Variants in SLC35F3 observed in about 807,000 individuals in gnomAD.
SLC35F3 encodes solute carrier family 35 member F3.
A neutral mutation model predicts 49.9 loss-of-function variants in SLC35F3; 25 were observed. The observed-to-expected ratio is 0.50, with a 90% CI of 0.37 to 0.70. The LOEUF (loss-of-function observed/expected upper bound fraction) is 0.70. Ranked by LOEUF, SLC35F3 falls within the 30% of genes least tolerant of loss-of-function variation. The pLI is 0.00. For missense variants in SLC35F3, 525 were observed against 639.8 expected (o/e 0.82, Z 1.94); for synonymous variants, 275 against 265.4 (o/e 1.04, Z -0.35).
intron 2 of SLC35F3, among the ~76,000 whole-genome samples, chr1:233,929,913 G>C (rs1394985991): frequency 6.6e-6 from 1 of 152,158 alleles, no homozygotes; most frequent in African/African-American, 2.4e-5. Flanking sequence ...TGTGGAGAGT[G>C]ACTTTCTAGA....
chr1:234,046,330 G>A lies in SLC35F3; in HGVS notation c.283+140572G>A, dbSNP rs1243457175. Among the ~76,000 whole-genome samples the A allele has an allele frequency of 2.0e-5, 3 of 152,124 alleles. No individual in the cohort carries two copies. Among genetic ancestry groups the A allele is most frequent in the Non-Finnish European group, 4.4e-5 (3 of 67,998 alleles). ...TTTTTCAATCTAATGCTTATGAAGTGGATGGTATCTTTTTATGGTTTTATT... is the reference window on the plus strand; with the variant it reads ...TTTTTCAATCTAATGCTTATGAAGTAGATGGTATCTTTTTATGGTTTTATT... On this transcript the variant is annotated intron_variant, in intron 2 of 7. Transcript: ENST00000366618. The surrounding 1 kb of genome is among the most constrained non-coding windows in gnomAD (Gnocchi z 4.4).
chr1:234,103,306 G>C (rs545694510), intron 2 of SLC35F3, among the ~76,000 whole-genome samples: 1 of 150,988 alleles, frequency 6.6e-6, no homozygotes, highest in African/African-American at 2.4e-5. Context: ...TTATTCATAA[G>C]AAAAATTCAC....
chr1:234,194,604 A>T (rs952368868), intron 2 of SLC35F3, among the ~76,000 whole-genome samples: 6 of 147,124 alleles, frequency 4.1e-5, no homozygotes, highest in East Asian at 5.6e-4. Flanking sequence ...GAAATTTTTT[A>T]AAAAATTAAT....
Position 233,929,106 on chromosome 1 carries a change from T to C in SLC35F3, c.283+23348T>C, listed in dbSNP as rs375236881. ...GGGCAAGGCAGTACTCTGTCTACCATGAAACCATGGCAATCTGCAAATATA... is the reference window on the plus strand; with the variant it reads ...GGGCAAGGCAGTACTCTGTCTACCACGAAACCATGGCAATCTGCAAATATA... On this transcript the variant is annotated intron_variant, in intron 2 of 7. Coordinates refer to ENST00000366618, the MANE Select transcript of SLC35F3 (RefSeq NM_173508.4). 6.4e-4 allele frequency among the ~76,000 whole-genome samples: 93 copies of C among 145,822 alleles called. 1 individual carries two copies. The East Asian group carries it at 0.018, about 29-fold the overall frequency.
chr1:234,139,883 G>A (rs1191643970), intron 2 of SLC35F3, among the ~76,000 whole-genome samples: 1 of 150,822 alleles, frequency 6.6e-6, no homozygotes. Context: ...GGGAGGCAGA[G>A]GTTGCAGTGA....
chr1:233,955,922 C>T (rs189829491), intron 2 of SLC35F3, among the ~76,000 whole-genome samples: 3 of 116,678 alleles, frequency 2.6e-5, no homozygotes, highest in African/African-American at 1.0e-4. Context: ...GTGTCTCGCT[C>T]TCTTGCCCAG....
chr1:234,032,194 A>C (rs1393898931), intron 2 of SLC35F3, among the ~76,000 whole-genome samples: 12 of 151,556 alleles, frequency 7.9e-5, no homozygotes, highest in Admixed American at 7.9e-4. Flanking sequence ...ATCCCCAAGC[A>C]CCCTTCCCAG....
At chr1:234,304,034 CTTCCTTCCTTCT>C (rs200794607) in intron 3 of SLC35F3, among the ~76,000 whole-genome samples, 29,761 of 92,614 alleles carry the variant, frequency 0.32, 3,589 homozygotes, top group African/African-American at 0.38. Context: ...TCCTTCCTTC[CTTCCTTCCTTCT>C]TTCTTTCCTT....
Position 234,081,904 on chromosome 1 carries a change from ATTTTTTTTTTTTTTT to A in SLC35F3, c.284-149495_284-149481del, listed in dbSNP as rs781469880. Among the ~76,000 whole-genome samples, 7 of 39,232 alleles carry A rather than the reference ATTTTTTTTTTTTTTT, an allele frequency of 1.8e-4. No homozygotes were observed. In the Admixed American group the frequency reaches 2.2e-3, roughly 12 times the overall value. 25.7% of individuals were successfully genotyped at this position (39,232 alleles called of 152,430 possible). A position where few individuals can be genotyped will look rare whatever the true frequency, so the allele number is the denominator to read the frequency against. ...AGGCGCCTGCCACCATGCCTGGCTA[ATTTTTTTTTTTTTTT>A]TTTTTTTTTTTTTTTTTAGTAGAGA... On this transcript the variant is annotated intron_variant, in intron 2 of 7. Transcript: ENST00000366618.
intron 2 of SLC35F3, among the ~76,000 whole-genome samples, chr1:234,222,850 G>A (rs1351646144): frequency 6.6e-6 from 1 of 152,198 alleles, no homozygotes; most frequent in African/African-American, 2.4e-5. Flanking sequence ...GGTTTTGTGT[G>A]CAGGTCATTA....
chr1:234,108,616 T>C (rs1165341883), intron 2 of SLC35F3, among the ~76,000 whole-genome samples: 1 of 122,816 alleles, frequency 8.1e-6, no homozygotes, highest in African/African-American at 3.2e-5. Context: ...TATATTTATA[T>C]ATAAAAGATA....
At chr1:234,303,047 TATCTC>T (rs1236088510) in intron 3 of SLC35F3, among the ~76,000 whole-genome samples, 4 of 152,324 alleles carry the variant, frequency 2.6e-5, no homozygotes, top group Middle Eastern at 3.4e-3. Flanking sequence ...ATTAAATTCT[TATCTC>T]AGTATTTCTT....
chr1:234,261,568 T>G (rs188252935), intron 3 of SLC35F3: 17 of 152,472 alleles, frequency 1.1e-4, no homozygotes, highest in Admixed American at 3.3e-4. Flanking sequence ...ATCTTGGTTT[T>G]GGCGGGTTTT....
intron 2 of SLC35F3, among the ~76,000 whole-genome samples, chr1:234,041,990 G>A (rs1340531344): frequency 1.3e-5 from 2 of 152,154 alleles, no homozygotes; most frequent in East Asian, 3.9e-4. Context: ...TATGGCATCA[G>A]TGGGGCCCAT....
intron 2 of SLC35F3, among the ~76,000 whole-genome samples, chr1:233,971,713 G>A (rs1265940922): frequency 4.5e-5 from 4 of 88,398 alleles, no homozygotes; most frequent in Non-Finnish European, 6.0e-5. Flanking sequence ...GCGAGACTCC[G>A]ACTCAAAAAA....
chr1:234,166,235 A>G (rs976844787), intron 2 of SLC35F3, among the ~76,000 whole-genome samples: 3 of 152,080 alleles, frequency 2.0e-5, no homozygotes, highest in Non-Finnish European at 2.9e-5. Context: ...CTGTCCCCAC[A>G]CAGACACAGC....
chr1:234,143,278 CTTTTCTTTTCTTTTT>C (rs1463499226), intron 2 of SLC35F3, among the ~76,000 whole-genome samples: 5,101 of 127,520 alleles, frequency 0.04, 396 homozygotes, highest in African/African-American at 0.16. Context: ...TGACTCTTTT[CTTTTCTTTTCTTTTT>C]TTTTTTTTTT....
At chr1:233,954,065 G>A (rs1662654098) in intron 2 of SLC35F3, among the ~76,000 whole-genome samples, 1 of 151,846 alleles carries the variant, frequency 6.6e-6, no homozygotes, top group Non-Finnish European at 1.5e-5. Flanking sequence ...GGAGTGCAGG[G>A]GCACAATCTC....
At chr1:233,908,890 CT>C (rs1032165218) in intron 2 of SLC35F3, among the ~76,000 whole-genome samples, 3 of 151,780 alleles carry the variant, frequency 2.0e-5, no homozygotes, top group African/African-American at 7.3e-5. Flanking sequence ...GAGTTTTGCT[CT>C]GTCGCCCAGG....
Sources: gnomAD v4.1 joint callset for allele counts (sites outside exome capture counted in the v4.1 genomes callset) on GRCh38, gnomAD v4.1.1 for gene constraint, Gnocchi (gnomAD v3.1) non-coding constraint, MANE v1.5 for transcripts, NCBI Gene and HGNC (gene_info 2026-07-23, HGNC 2026-07-21) for gene names.